Variants in FAM117A observed in about 807,000 individuals in gnomAD.
The protein encoded by FAM117A is protein FAM117A.
Under a neutral mutation model 44.1 loss-of-function variants are expected in FAM117A, and 21 were observed. The ratio of observed to expected loss-of-function variants is 0.48; its 90% confidence interval spans 0.34 to 0.69. The LOEUF (loss-of-function observed/expected upper bound fraction) is 0.69. Ranked by LOEUF, FAM117A falls within the 30% of genes least tolerant of loss-of-function variation. FAM117A has a pLI of 0.01. For synonymous variants in FAM117A, 220 were observed against 238.3 expected (o/e 0.92, Z 0.71); for missense variants, 498 against 589.9 (o/e 0.84, Z 1.61).
chr17:49,734,875 C>G (rs1367608895), intron 1 of FAM117A, among the ~76,000 whole-genome samples: 2 of 152,178 alleles, frequency 1.3e-5, no homozygotes, highest in African/African-American at 4.8e-5. Context: ...TTCTGACACA[C>G]ACTCCAATAC....
upstream of FAM117A, among the ~76,000 whole-genome samples, chr17:49,768,541 C>T (rs933649647): frequency 6.6e-6 from 1 of 152,118 alleles, no homozygotes; most frequent in African/African-American, 2.4e-5. Context: ...AATAAGATGA[C>T]GCAGATACAC....
intron 2 of FAM117A, among the ~76,000 whole-genome samples, chr17:49,726,371 C>G (rs1288282478): frequency 1.3e-5 from 2 of 152,184 alleles, no homozygotes; most frequent in East Asian, 1.9e-4. Context: ...TGCCACCACA[C>G]CTGGCTAATT....
chr17:49,767,725 A>G (rs539686736), upstream of FAM117A, among the ~76,000 whole-genome samples: 1 of 152,274 alleles, frequency 6.6e-6, no homozygotes, highest in East Asian at 1.9e-4. Flanking sequence ...CAAGATGGTG[A>G]AATCCTGTCT....
At chr17:49,763,058 G>A (rs2073728316) in intron 1 of FAM117A, among the ~76,000 whole-genome samples, 1 of 151,924 alleles carries the variant, frequency 6.6e-6, no homozygotes, top group Admixed American at 6.6e-5. Context: ...CAGCCTTGGT[G>A]GGTAGAGGGG....
intron 6 of FAM117A, among the ~76,000 whole-genome samples, chr17:49,716,893 T>C (rs2073506849): frequency 6.6e-6 from 1 of 152,212 alleles, no homozygotes; most frequent in South Asian, 2.1e-4. Context: ...TGTTTACCCA[T>C]GTGTATTGTT....
Position 49,763,969 on chromosome 17 carries a change from C to T in FAM117A, c.119G>A (p.Gly40Glu). 1 of 1,230,898 alleles carries T rather than the reference C, an allele frequency of 8.1e-7. No homozygotes were observed. Among genetic ancestry groups the T allele is most frequent in the Non-Finnish European group, 1.0e-6 (1 of 987,532 alleles). The allele number at this position is 1,230,898 out of a possible 1,614,324, so 76.2% of individuals were successfully genotyped here. Reference protein sequence around the residue: ...PPAPAGSPRAGLQPLRATIPF... With the variant: ...PPAPAGSPRAELQPLRATIPF... ...GATCGTGGCCCTGAGCGGCTGCAGC[C>T]CAGCCCGGGGGGAGCCGGCGGGGGC... is the stretch of plus-strand genomic sequence containing the variant. Residue 40 changes from glycine to glutamate, a missense_variant, in exon 1 of 8, where the codon GGG becomes GAG. Transcript: ENST00000240364.
In FAM117A at chr17:49,776,025, C is replaced by T. The variant is rs369427176; in HGVS notation, c.-621+12472G>A. Among the ~76,000 whole-genome samples the T allele has an allele frequency of 9.2e-5, 14 of 152,228 alleles. No individual in the cohort carries two copies. In the South Asian group the frequency reaches 2.3e-3, roughly 25 times the overall value. ...TCCTCGGAATGCCAAAAAAGCACCACCCCCCTCCCTTCATACGCCTGTGGA... is the reference window on the plus strand; with the variant it reads ...TCCTCGGAATGCCAAAAAAGCACCATCCCCCTCCCTTCATACGCCTGTGGA... On this transcript the variant is annotated intron_variant, in intron 1 of 7. Transcript: ENST00000513602.
chr17:49,788,705 G>A (rs1055968351), upstream of FAM117A: 4 of 983,924 alleles, frequency 4.1e-6, no homozygotes, highest in African/African-American at 5.1e-5. Context: ...ACGCTGAGAG[G>A]CAGGAGGCAC....
At chr17:49,746,705 T>C (rs928136556) in intron 1 of FAM117A, among the ~76,000 whole-genome samples, 1 of 152,170 alleles carries the variant, frequency 6.6e-6, no homozygotes, top group African/African-American at 2.4e-5. Flanking sequence ...TTTGTCATGA[T>C]TGCTCTTCAA....
At chr17:49,721,562 AGCAATAGAGG>A (rs1416284280) in intron 3 of FAM117A, among the ~76,000 whole-genome samples, 3 of 152,156 alleles carry the variant, frequency 2.0e-5, no homozygotes, top group Non-Finnish European at 4.4e-5. Context: ...CATTGTTCTC[AGCAATAGAGG>A]GCAGAAGCAA....
intron 1 of FAM117A, among the ~76,000 whole-genome samples, chr17:49,744,491 TA>T (rs2073646860): frequency 6.6e-6 from 1 of 151,234 alleles, no homozygotes; most frequent in Non-Finnish European, 1.5e-5. Flanking sequence ...AGCTAATTTC[TA>T]AATTTTTTGT....
intron 1 of FAM117A, among the ~76,000 whole-genome samples, chr17:49,761,567 C>T (rs1013993120): frequency 6.6e-6 from 1 of 152,234 alleles, no homozygotes; most frequent in Non-Finnish European, 1.5e-5. Context: ...CTCAAAGCCA[C>T]ACAACTAGTA....
chr17:49,762,582 A>G (rs978403996), intron 1 of FAM117A, among the ~76,000 whole-genome samples: 7 of 152,200 alleles, frequency 4.6e-5, no homozygotes, highest in African/African-American at 1.2e-4. Flanking sequence ...AGTAGCTACT[A>G]CTTCTGTAAT....
chr17:49,770,946 A>C (rs1327888840), intron 1 of FAM117A, among the ~76,000 whole-genome samples: 1 of 149,732 alleles, frequency 6.7e-6, no homozygotes, highest in Non-Finnish European at 1.5e-5. Flanking sequence ...GTGGCTCATG[A>C]CTGTAATCCC....
intron 1 of FAM117A, among the ~76,000 whole-genome samples, chr17:49,736,196 A>G (rs2073609774): frequency 6.6e-6 from 1 of 152,124 alleles, no homozygotes; most frequent in Non-Finnish European, 1.5e-5. Flanking sequence ...ATATATTGAC[A>G]TAAAACACAT....
At chr17:49,770,269 CAAAA>C (rs57966452) in intron 1 of FAM117A, among the ~76,000 whole-genome samples, 1 of 69,810 alleles carries the variant, frequency 1.4e-5, no homozygotes, top group Non-Finnish European at 2.9e-5. Context: ...GACTCTGTAT[CAAAA>C]AAAAAAAAAA....
At chr17:49,777,867 GA>G (rs2073779364) in intron 1 of FAM117A, among the ~76,000 whole-genome samples, 1 of 152,206 alleles carries the variant, frequency 6.6e-6, no homozygotes, top group South Asian at 2.1e-4. Flanking sequence ...GTGGGAAACA[GA>G]GTAGAATATG....
chr17:49,722,636 G>T, intron 2 of FAM117A, 42 bp from the exon 3 acceptor site: 1 of 1,539,102 alleles, frequency 6.5e-7, no homozygotes. Flanking sequence ...AGCTTCTTTG[G>T]CAGGCACTGG....
At chr17:49,755,700 A>C (rs527817706) in intron 1 of FAM117A, among the ~76,000 whole-genome samples, 1 of 152,338 alleles carries the variant, frequency 6.6e-6, no homozygotes, top group Non-Finnish European at 1.5e-5. Context: ...CAGTGATTTA[A>C]AGAAAGAGAG....
Sources: allele counts gnomAD v4.1 joint callset (sites outside exome capture counted in the v4.1 genomes callset), GRCh38; gene constraint gnomAD v4.1.1; transcripts MANE v1.5; gene names NCBI Gene and HGNC (gene_info 2026-07-23, HGNC 2026-07-21).